The following FAM135B variants were observed in gnomAD, a reference collection of about 807,000 sequenced individuals.
FAM135B encodes the protein family with sequence similarity 135 member B.
In FAM135B, 43 loss-of-function variants were observed where a neutral mutation model predicts 127.7. The ratio of observed to expected loss-of-function variants is 0.34; its 90% CI spans 0.26 to 0.43. FAM135B has a LOEUF of 0.43. FAM135B is among the 20% of genes least tolerant of loss of function. FAM135B has a pLI of 1.00. For missense variants in FAM135B, 1,558 were observed against 1,725.6 expected, an observed-to-expected ratio of 0.90 and a Z score of 1.72; for synonymous variants, 670 against 665.1, an observed-to-expected ratio of 1.01 and a Z score of -0.11.
chr8:138,195,003 T>C (rs1302015579), intron 9 of FAM135B, among the ~76,000 whole-genome samples: 1 of 152,232 alleles, frequency 6.6e-6, no homozygotes, highest in Admixed American at 6.5e-5. Context: ...CAAATACATA[T>C]GTGTAGCCTA....
chr8:138,393,707 T>C, intron 1 of FAM135B, among the ~76,000 whole-genome samples: 1 of 152,166 alleles, frequency 6.6e-6, no homozygotes, highest in Non-Finnish European at 1.5e-5. Flanking sequence ...ACGGAGCCCA[T>C]GCTTAGCACC....
rs774273516 is a variant in FAM135B at position 138,243,030 on chromosome 8, C to G, written c.581G>C (p.Gly194Ala). The part of the protein sequence containing the change: ...RPGRGSWLGK[G>A]GPDTGQEQSI... The stretch of plus-strand genomic sequence containing the variant: ...CTGTTCTTGTCCGGTGTCTGGGCCA[C>G]CTTTACCAAGCCAGGAGCCTCTTCC... The change falls in exon 7 of 20, where the codon GGT (glycine) becomes GCT (alanine). Residue 194 changes from glycine to alanine, a missense_variant. Gly to Ala is a moderately conservative substitution (Grantham distance 60, BLOSUM62 0). Coordinates refer to ENST00000395297, the MANE Select transcript of FAM135B (RefSeq NM_015912.4). This position sits in a 1 kb window ranked among gnomAD's most constrained non-coding sequence, Gnocchi z 7.5. The G allele has an allele frequency of 1.9e-6, 3 of 1,613,270 alleles. No homozygotes were observed. Among genetic ancestry groups the G allele is most frequent in the Admixed American group, 1.7e-5 (1 of 59,880 alleles).
chr8:138,478,801 T>A (rs748880405), intron 1 of FAM135B, among the ~76,000 whole-genome samples: 1 of 152,164 alleles, frequency 6.6e-6, no homozygotes, highest in Non-Finnish European at 1.5e-5. Context: ...AAACAAACCA[T>A]TTTTCAATAC....
At position 138,250,973 on chromosome 8, in the gene FAM135B, G is replaced by A. The variant is rs779793997; in HGVS notation, c.410C>T (p.Thr137Met). The change falls in exon 6 of 20, where the codon ACG becomes ATG. Residue 137 changes from threonine to methionine, a missense_variant. Physicochemically the swap from Thr to Met is moderately conservative, Grantham distance 81. Coordinates refer to ENST00000395297, the MANE Select transcript of FAM135B (RefSeq NM_015912.4). The stretch of plus-strand genomic sequence containing the variant: ...CCGGGGGTGGAAGTGCAGGCCAAGC[G>A]TTCGGCTGCTGACCATCGGTGCCCC... Reference protein sequence around the residue: ...VAGAPMVSSRTLGLHFHPRNG... With the variant: ...VAGAPMVSSRMLGLHFHPRNG... 56 of 1,613,826 alleles carry A rather than the reference G, an allele frequency of 3.5e-5. No individual in the cohort carries two copies. Among genetic ancestry groups the A allele is most frequent in the Admixed American group, 6.7e-5 (4 of 59,978 alleles).
At chr8:138,158,694 T>C (rs113555361) in intron 12 of FAM135B, among the ~76,000 whole-genome samples, 4 of 152,068 alleles carry the variant, frequency 2.6e-5, no homozygotes, top group Non-Finnish European at 4.4e-5. Flanking sequence ...TGAAAAAATG[T>C]TCATCATCAC....
chr8:138,142,813 C>T, intron 16 of FAM135B, 199 bp downstream of exon 16: 1 of 480,734 alleles, frequency 2.1e-6, no homozygotes, highest in African/African-American at 1.9e-5. Flanking sequence ...TTTATTCTCC[C>T]TGACACAAAC....
At chr8:138,219,651 T>C (rs571530473) in intron 7 of FAM135B, among the ~76,000 whole-genome samples, 2 of 152,328 alleles carry the variant, frequency 1.3e-5, no homozygotes, top group African/African-American at 4.8e-5. Flanking sequence ...CATCCTTGTA[T>C]GTTCTTTCCC....
intron 1 of FAM135B, among the ~76,000 whole-genome samples, chr8:138,481,680 T>C (rs1339807472): frequency 1.3e-5 from 2 of 152,238 alleles, no homozygotes; most frequent in Non-Finnish European, 2.9e-5. Flanking sequence ...TTTATTGCTT[T>C]ATTCTCGCTT....
chr8:138,308,839 G>T, intron 3 of FAM135B: 1 of 261,988 alleles, frequency 3.8e-6, no homozygotes, highest in Non-Finnish European at 7.8e-6. Context: ...AGTCCTTGAC[G>T]GGAGCCTGGG....
In FAM135B at chr8:138,377,297, A is replaced by C. The variant is rs921417770; in HGVS notation, c.-19-9295T>G. On this transcript the variant is annotated intron_variant, in intron 1 of 19. Coordinates refer to ENST00000395297, the MANE Select transcript of FAM135B (RefSeq NM_015912.4). ...GCACTATAGGAGATGGGAAAGGCTC[A>C]GGAAGAGACCTCTCATGTACAGAGG... 2.0e-5 allele frequency among the ~76,000 whole-genome samples: 3 copies of C among 152,370 alleles called. No homozygotes were observed. In the East Asian group the frequency reaches 5.8e-4, roughly 29 times the overall value.
intron 3 of FAM135B, among the ~76,000 whole-genome samples, chr8:138,291,731 T>C (rs182219986): frequency 2.0e-5 from 3 of 152,250 alleles, no homozygotes; most frequent in African/African-American, 7.2e-5. Flanking sequence ...TTGACAAAAT[T>C]CAACATCCTT....
At chr8:138,363,086 TA>T (rs1473094036) in intron 2 of FAM135B, among the ~76,000 whole-genome samples, 4 of 152,056 alleles carry the variant, frequency 2.6e-5, no homozygotes, top group Admixed American at 1.3e-4. Flanking sequence ...AGAGAGATGC[TA>T]GGGGGAAGAG....
At chr8:138,372,355 T>C (rs1831187500) in intron 1 of FAM135B, among the ~76,000 whole-genome samples, 1 of 152,184 alleles carries the variant, frequency 6.6e-6, no homozygotes, top group Non-Finnish European at 1.5e-5. Context: ...TAGGCAAACA[T>C]GCCTAGAGAA....
chr8:138,267,432 C>T (rs1222916349), intron 3 of FAM135B, among the ~76,000 whole-genome samples: 2 of 150,486 alleles, frequency 1.3e-5, no homozygotes, highest in African/African-American at 4.9e-5. Context: ...TGTGTAGATT[C>T]ATCCTCACAT....
chr8:138,206,459 C>T (rs74512325), intron 7 of FAM135B, among the ~76,000 whole-genome samples: 1 of 24,828 alleles, frequency 4.0e-5, no homozygotes, highest in Non-Finnish European at 1.0e-4. Context: ...CTACACACAA[C>T]TCCAGCATCC....
intron 12 of FAM135B, among the ~76,000 whole-genome samples, chr8:138,157,691 T>C (rs1412102828): frequency 6.6e-6 from 1 of 152,182 alleles, no homozygotes; most frequent in Non-Finnish European, 1.5e-5. Flanking sequence ...TGAACTCCCA[T>C]TCACAATTGC....
chr8:138,449,877 T>G (rs1393057334), intron 1 of FAM135B, among the ~76,000 whole-genome samples: 1 of 152,160 alleles, frequency 6.6e-6, no homozygotes, highest in African/African-American at 2.4e-5. Flanking sequence ...ACCCTAGATG[T>G]TATATCTTCT....
intron 11 of FAM135B, among the ~76,000 whole-genome samples, chr8:138,174,199 G>A (rs140183956): frequency 1.3e-5 from 2 of 152,170 alleles, no homozygotes; most frequent in South Asian, 2.1e-4. Flanking sequence ...TCCACTAAAC[G>A]ATTGTGACCC....
chr8:138,255,958 A>G (rs1563826231), intron 5 of FAM135B, among the ~76,000 whole-genome samples: 2 of 152,154 alleles, frequency 1.3e-5, no homozygotes, highest in Admixed American at 1.3e-4. Flanking sequence ...CCCTGTTCCT[A>G]CACTGGGAGT....
Sources: allele counts gnomAD v4.1 joint callset (sites outside exome capture counted in the v4.1 genomes callset), GRCh38; gene constraint gnomAD v4.1.1; non-coding constraint Gnocchi (gnomAD v3.1); transcripts MANE v1.5; gene names NCBI Gene and HGNC (gene_info 2026-07-23, HGNC 2026-07-21).